COL6A5: variants seen among roughly 807,000 people sequenced by gnomAD.
COL6A5 encodes the protein collagen alpha-5(VI) chain.
COL6A5 carries 48 observed loss-of-function variants against 65.6 expected under a neutral mutation model. The ratio of observed to expected loss-of-function variants is 0.73; its 90% CI spans 0.58 to 0.93. COL6A5 has a LOEUF of 0.93. COL6A5 is among the 40% of genes least tolerant of loss of function. The pLI, the probability that COL6A5 is intolerant of heterozygous loss-of-function variation, is 0.00. For missense variants in COL6A5, 914 were observed against 928.3 expected, an observed-to-expected ratio of 0.98 and a Z score of 0.20; for synonymous variants, 291 against 322.8, an observed-to-expected ratio of 0.90 and a Z score of 1.05.
At chr3:130,367,097 T>C (rs1043162838) in intron 1 of COL6A5, among the ~76,000 whole-genome samples, 1 of 152,240 alleles carries the variant, frequency 6.6e-6, no homozygotes, top group African/African-American at 2.4e-5. Flanking sequence ...GGGAACGTGA[T>C]GGTTGTTAGA....
exon 12 of COL6A5, chr3:130,401,818 A>G (rs369073697): frequency 1.1e-5 from 17 of 1,551,398 alleles, no homozygotes; most frequent in Middle Eastern, 1.7e-4. Flanking sequence ...CAGGAATTCC[A>G]GGACCTCATG....
At chr3:130,481,773 G>A (rs1710248172) in intron 7 of COL6A5, among the ~76,000 whole-genome samples, 1 of 152,124 alleles carries the variant, frequency 6.6e-6, no homozygotes, top group African/African-American at 2.4e-5. Flanking sequence ...TTGTGGTTTT[G>A]ATTTGCATTT....
At chr3:130,429,464 G>T, upstream of COL6A5, 2 of 876,350 alleles carry the variant, frequency 2.3e-6, no homozygotes, top group South Asian at 1.9e-5. Context: ...AGCCTCATTT[G>T]CAGTTAGACT....
intron 20 of COL6A5, 125 bp downstream of exon 20, chr3:130,410,649 T>C: frequency 1.3e-6 from 1 of 755,084 alleles, no homozygotes. Flanking sequence ...CTTCTCCATC[T>C]TGACACTACT....
At chr3:130,400,896 A>C in intron 10 of COL6A5, 135 bp from the exon 11 acceptor site, 21 of 638,036 alleles carry the variant, frequency 3.3e-5, no homozygotes, top group Non-Finnish European at 5.3e-5. Flanking sequence ...TGTCAGGAGT[A>C]CTCCTTCCTC....
chr3:130,429,704 G>A (rs924039916), upstream of COL6A5: 29 of 772,444 alleles, frequency 3.8e-5, no homozygotes, highest in East Asian at 8.1e-4. Flanking sequence ...TATGCAGACA[G>A]TTCTTTCTTT....
At chr3:130,408,464 A>C (rs1437873441) in intron 17 of COL6A5, among the ~76,000 whole-genome samples, 1 of 152,148 alleles carries the variant, frequency 6.6e-6, no homozygotes, top group Non-Finnish European at 1.5e-5. Flanking sequence ...GTTTCCTGTT[A>C]AGATGTTTAT....
At chr3:130,385,851 C>T (rs978188332) in intron 5 of COL6A5, among the ~76,000 whole-genome samples, 2 of 152,042 alleles carry the variant, frequency 1.3e-5, no homozygotes, top group African/African-American at 4.8e-5. Context: ...ATAATACCTA[C>T]ATCAGAGAAT....
chr3:130,367,429 C>T (rs1255272211), intron 1 of COL6A5, among the ~76,000 whole-genome samples: 2 of 152,130 alleles, frequency 1.3e-5, no homozygotes, highest in East Asian at 1.9e-4. Context: ...AGCATTTGCA[C>T]GAGCACTTGC....
At chr3:130,416,848 T>C in intron 24 of COL6A5, 29 bp downstream of exon 24, 1 of 1,157,702 alleles carries the variant, frequency 8.6e-7, no homozygotes, top group Non-Finnish European at 1.2e-6. Context: ...TTTTAATTCT[T>C]TTAAAAACAT....
rs1380686574 is a variant in COL6A5 at position 130,426,256 on chromosome 3, A to T, written c.5199+7A>T. On this transcript the variant is annotated splice_region_variant and intron_variant and NMD_transcript_variant, in intron 30 of 41. Transcript: ENST00000312481. ...AGGGCAGCCTGTATATTCTGTATGT[A>T]TCTCCTTATTCATGAAAGAAAACTC... is the stretch of plus-strand genomic sequence containing the variant. The T allele has an allele frequency of 2.6e-6, 4 of 1,551,256 alleles. No individual in the cohort carries two copies. The African/African-American group carries it at 4.1e-5, about 16-fold the overall frequency.
intron 3 of COL6A5, among the ~76,000 whole-genome samples, chr3:130,442,974 G>C (rs1709219537): frequency 6.6e-6 from 1 of 152,100 alleles, no homozygotes; most frequent in Non-Finnish European, 1.5e-5. Flanking sequence ...CATCAGGAAG[G>C]GGATAAATAG....
At position 130,355,589 on chromosome 3, in the gene COL6A5, TAC is replaced by T. The variant is rs111871748; in HGVS notation, c.-29+9623_-29+9624del. On this transcript the variant is annotated intron_variant and NMD_transcript_variant, in intron 1 of 41. Coordinates refer to the COL6A5 transcript ENST00000312481. Reference sequence around the variant, plus strand: ...TACTTAGGGTAAACTAGTAAAATTTTACACACACACACACACTTAGGGTAAAC... The same window carrying T: ...TACTTAGGGTAAACTAGTAAAATTTTACACACACACACACTTAGGGTAAAC... Among the ~76,000 whole-genome samples the T allele has an allele frequency of 1.3e-3, 203 of 151,418 alleles. 4 individuals carry two copies. The highest frequency in any genetic ancestry group is 4.7e-3 in the African/African-American group (195 of 41,370).
intron 7 of COL6A5, among the ~76,000 whole-genome samples, chr3:130,394,331 T>C (rs1936511766): frequency 6.6e-6 from 1 of 152,228 alleles, no homozygotes; most frequent in South Asian, 2.1e-4. Flanking sequence ...TGTGTGCTCT[T>C]AGGCGAGTCA....
intron 4 of COL6A5, among the ~76,000 whole-genome samples, chr3:130,448,353 C>T (rs1245072617): frequency 6.6e-6 from 1 of 152,040 alleles, no homozygotes; most frequent in African/African-American, 2.4e-5. Flanking sequence ...CCTGGGGCTG[C>T]GGAGGTCGGA....
chr3:130,439,515 A>G lies in COL6A5; in HGVS notation c.488-7A>G. 1 of 1,545,964 alleles carries G rather than the reference A, an allele frequency of 6.5e-7. No homozygotes were observed. Among genetic ancestry groups the G allele is most frequent in the Non-Finnish European group, 8.7e-7 (1 of 1,143,284 alleles). On this transcript the variant is annotated splice_polypyrimidine_tract_variant and splice_region_variant and intron_variant, in intron 1 of 7. Transcript: ENST00000512836. The stretch of plus-strand genomic sequence containing the variant: ...GCAAACATGCGTTCACTTCTTTTCC[A>G]ATGCAGTTTGACAACACTGGAACAT...
chr3:130,386,797 A>G lies in COL6A5; in HGVS notation c.1861+1433A>G, dbSNP rs543557599. The stretch of plus-strand genomic sequence containing the variant: ...TCAGCCTGAGCACTGGCATGCCTGG[A>G]GGAGGAGATAAGTTGTGGACAAGGA... On this transcript the variant is annotated intron_variant and NMD_transcript_variant, in intron 5 of 41. Coordinates refer to the COL6A5 transcript ENST00000312481. Among the ~76,000 whole-genome samples the G allele has an allele frequency of 3.9e-5, 6 of 152,092 alleles. No individual in the cohort carries two copies. The South Asian group carries it at 1.2e-3, about 32-fold the overall frequency.
intron 7 of COL6A5, among the ~76,000 whole-genome samples, chr3:130,394,004 C>T (rs999988057): frequency 9.6e-5 from 13 of 136,054 alleles, no homozygotes; most frequent in Admixed American, 2.3e-4. Flanking sequence ...CCACACTACC[C>T]TTACAAGGAA....
intron 7 of COL6A5, chr3:130,471,816 A>G (rs1559920818): frequency 2.3e-5 from 35 of 1,535,264 alleles, no homozygotes; most frequent in Non-Finnish European, 3.1e-5. Flanking sequence ...GATTTGATGC[A>G]GAAGTTATAT....
Sources: gnomAD v4.1 joint callset for allele counts (sites outside exome capture counted in the v4.1 genomes callset) on GRCh38, gnomAD v4.1.1 for gene constraint, MANE v1.5 for transcripts, NCBI Gene and HGNC (gene_info 2026-07-23, HGNC 2026-07-21) for gene names.